Variants in KANK2 observed in about 807,000 individuals in gnomAD.
KANK2 encodes the protein KN motif and ankyrin repeat domain-containing protein 2.
Under a neutral mutation model 74.6 loss-of-function variants are expected in KANK2, and 41 were observed. That is an observed-to-expected ratio of 0.55 (90% CI 0.43 to 0.71). KANK2 has a LOEUF of 0.71. Ranked by LOEUF, KANK2 falls within the 30% of genes least tolerant of loss-of-function variation. KANK2 has a pLI of 0.00. For missense variants in KANK2, 1,148 were observed against 1,196.4 expected, an observed-to-expected ratio of 0.96 and a Z score of 0.60; for synonymous variants, 537 against 519.0, an observed-to-expected ratio of 1.03 and a Z score of -0.47.
rs146072567 is a variant in KANK2 at position 11,176,673 on chromosome 19, G to C, written c.1665C>G (p.Ala555=). Residue 555 remains alanine (A), a synonymous_variant, in exon 7 of 13, where the codon GCC becomes GCG. Transcript: ENST00000586659. ...PQLRPAGTAA[A]KTSRQECQLS... Reference sequence around the variant, plus strand: ...GCTGACACTCCTGCCGGCTGGTCTTGGCCGCTGCCGTCCCTGCAGGCCTGA... The same window carrying C: ...GCTGACACTCCTGCCGGCTGGTCTTCGCCGCTGCCGTCCCTGCAGGCCTGA... 6.2e-7 allele frequency: 1 copy of C among 1,613,572 alleles called. No homozygotes were observed. The highest frequency in any genetic ancestry group is 1.3e-5 in the African/African-American group (1 of 74,918).
At chr19:11,197,607 CCCGCCCCCCCAGCCGGCA>C (rs894093992), upstream of KANK2, 8 of 151,550 alleles carry the variant, frequency 5.3e-5, no homozygotes, top group African/African-American at 1.9e-4. Flanking sequence ...TCCGGCTGGT[CCCGCCCCCCCAGCCGGCA>C]CCGCCCCCTC....
chr19:11,183,433 C>T (rs2078585216), intron 4 of KANK2, among the ~76,000 whole-genome samples: 1 of 152,136 alleles, frequency 6.6e-6, no homozygotes, highest in South Asian at 2.1e-4. Flanking sequence ...AACTACAAAG[C>T]TAAAGGGAGA....
At chr19:11,183,382 A>G (rs1690830922) in intron 4 of KANK2, among the ~76,000 whole-genome samples, 3 of 152,238 alleles carry the variant, frequency 2.0e-5, no homozygotes, top group Non-Finnish European at 2.9e-5. Flanking sequence ...ATCTCATAGC[A>G]TACACAAGAA....
At position 11,194,044 on chromosome 19, in the gene KANK2, T is replaced by C; in HGVS notation, c.38-2A>G. On this transcript the variant is annotated splice_acceptor_variant, in intron 3 of 12. Transcript: ENST00000586659. LOFTEE classifies it high-confidence loss of function. ...GTGGGGAGGCTGGGCCAGGGGTCCC[T>C]GGGGATGGGAGAAACACCAGGACCT... is the stretch of plus-strand genomic sequence containing the variant. 6.3e-7 allele frequency: 1 copy of C among 1,598,842 alleles called. No homozygotes were observed. Among genetic ancestry groups the C allele is most frequent in the Non-Finnish European group, 8.5e-7 (1 of 1,171,890 alleles).
At chr19:11,189,102 C>CA (rs914892477) in intron 4 of KANK2, among the ~76,000 whole-genome samples, 44 of 130,928 alleles carry the variant, frequency 3.4e-4, no homozygotes, top group South Asian at 9.4e-4. Context: ...ATTCTCTCCC[C>CA]CCCCACCCCC....
chr19:11,185,200 G>T (rs1408035305), intron 4 of KANK2, among the ~76,000 whole-genome samples: 1 of 147,212 alleles, frequency 6.8e-6, no homozygotes, highest in East Asian at 2.0e-4. Context: ...TGGGTGGATC[G>T]CTTGAGCCCA....
chr19:11,182,546 C>CA (rs1283116719), intron 4 of KANK2, among the ~76,000 whole-genome samples: 5 of 119,654 alleles, frequency 4.2e-5, no homozygotes, highest in African/African-American at 1.2e-4. Context: ...AACAAAAAAA[C>CA]AAAACAAAAC....
In KANK2 at chr19:11,176,685, C is replaced by T. The variant is rs762291129; in HGVS notation, c.1653G>A (p.Gly551=). 12 of 1,613,472 alleles carry T rather than the reference C, an allele frequency of 7.4e-6. No individual in the cohort carries two copies. The highest frequency in any genetic ancestry group is 1.6e-4 in the Middle Eastern group (1 of 6,080). The part of the protein sequence containing the change: ...VAEAPQLRPA[G]TAAAKTSRQE... The stretch of plus-strand genomic sequence containing the variant: ...GCCGGCTGGTCTTGGCCGCTGCCGT[C>T]CCTGCAGGCCTGAGCTGGGGGGCTT... Residue 551 remains glycine (G), a synonymous_variant, in exon 7 of 13, where the codon GGG becomes GGA. Coordinates refer to ENST00000586659, the MANE Select transcript of KANK2 (RefSeq NM_001136191.3).
chr19:11,187,826 G>T (rs1272223399), intron 4 of KANK2, among the ~76,000 whole-genome samples: 1 of 152,104 alleles, frequency 6.6e-6, no homozygotes, highest in East Asian at 1.9e-4. Context: ...GGTGGCACAC[G>T]CCTGCAATCC....
chr19:11,194,184 C>A (rs907342449), intron 3 of KANK2, 142 bp from the exon 4 acceptor site: 4 of 901,652 alleles, frequency 4.4e-6, no homozygotes, highest in Admixed American at 5.8e-5. Flanking sequence ...GCTCTCAGAC[C>A]CTCCAGAGCA....
intron 4 of KANK2, among the ~76,000 whole-genome samples, chr19:11,183,655 AT>A (rs374907585): frequency 0.073 from 10,494 of 144,612 alleles, 378 homozygotes; most frequent in Admixed American, 0.096. Context: ...TGCCCAGCTA[AT>A]TTTTTTTTTT....
At chr19:11,186,916 G>A (rs1391040117) in intron 4 of KANK2, among the ~76,000 whole-genome samples, 1 of 152,120 alleles carries the variant, frequency 6.6e-6, no homozygotes, top group African/African-American at 2.4e-5. Flanking sequence ...AGCATTGTTC[G>A]TGGTGGCCGG....
chr19:11,188,067 TTGAAGGTTGAAGG>T (rs1357856366), intron 4 of KANK2, among the ~76,000 whole-genome samples: 13 of 152,028 alleles, frequency 8.6e-5, no homozygotes, highest in Non-Finnish European at 1.8e-4. Context: ...ACCCTTAGCA[TTGAAGGTTGAAGG>T]TGGAGGCTGA....
chr19:11,193,893 C>T lies in KANK2; in HGVS notation c.187G>A (p.Ala63Thr). Reference sequence around the variant, plus strand: ...CTCAGGCGGGGGCGGCGCTGCACTGCCACGCGTCGCAGCGTGTGGCCCTTC... The same window carrying T: ...CTCAGGCGGGGGCGGCGCTGCACTGTCACGCGTCGCAGCGTGTGGCCCTTC... ...IEKGHTLRRV[A>T]VQRRPRLSSL... is the part of the protein sequence containing the mutation. The change falls in exon 4 of 13, where the codon GCA becomes ACA. Residue 63 changes from alanine (A) to threonine (T), a missense_variant. By Grantham distance (58) the Ala-to-Thr change is moderately conservative. Coordinates refer to ENST00000586659, the MANE Select transcript of KANK2 (RefSeq NM_001136191.3). The surrounding 1 kb of genome is among the most constrained non-coding windows in gnomAD (Gnocchi z 9.6). 1 of 1,613,712 alleles carries T rather than the reference C, an allele frequency of 6.2e-7. No individual in the cohort carries two copies. Among genetic ancestry groups the T allele is most frequent in the East Asian group, 2.2e-5 (1 of 44,876 alleles).
chr19:11,191,852 G>C (rs1015572183), intron 4 of KANK2, among the ~76,000 whole-genome samples: 12 of 152,198 alleles, frequency 7.9e-5, no homozygotes, highest in African/African-American at 2.9e-4. Flanking sequence ...GAGCCCAGAA[G>C]TTTGAGACCA....
rs1373463995 is a variant in KANK2 at position 11,164,383 on chromosome 19, A to G, written c.*2175T>C. ...CTTTATGGACGTACCGTGATCAGAA[A>G]GTGAAATTAAAGCTCATGGATATGC... On this transcript the variant is annotated 3_prime_UTR_variant, in exon 13 of 13. Coordinates refer to ENST00000586659, the MANE Select transcript of KANK2 (RefSeq NM_001136191.3). 6.6e-6 allele frequency: 1 copy of G among 152,170 alleles called. No individual in the cohort carries two copies. The highest frequency in any genetic ancestry group is 1.5e-5 in the Non-Finnish European group (1 of 68,042). 9.4% of individuals were successfully genotyped at this position (152,170 alleles called of 1,614,324 possible). A position where few individuals can be genotyped will look rare whatever the true frequency, so the allele number is the denominator to read the frequency against.
intron 6 of KANK2, 57 bp from the exon 7 acceptor site, chr19:11,176,874 GA>G (rs1474174368): frequency 2.4e-5 from 35 of 1,482,068 alleles, no homozygotes; most frequent in Non-Finnish European, 1.8e-6. Context: ...GAAATGGTGG[GA>G]AAGGAAGGCA....
At chr19:11,171,391 C>A (rs1418279243) in intron 10 of KANK2, among the ~76,000 whole-genome samples, 2 of 151,878 alleles carry the variant, frequency 1.3e-5, no homozygotes, top group African/African-American at 2.4e-5. Context: ...AGGCTGCAGT[C>A]AGCTGTGATT....
intron 6 of KANK2, 116 bp from the exon 7 acceptor site, chr19:11,176,933 C>T (rs2078359081): frequency 1.2e-5 from 14 of 1,216,078 alleles, no homozygotes; most frequent in Non-Finnish European, 1.5e-5. Context: ...CCCATCTGTT[C>T]AATGGCAGTA....
Sources: allele counts gnomAD v4.1 joint callset (sites outside exome capture counted in the v4.1 genomes callset), GRCh38; gene constraint gnomAD v4.1.1; non-coding constraint Gnocchi (gnomAD v3.1); transcripts MANE v1.5; gene names NCBI Gene and HGNC (gene_info 2026-07-23, HGNC 2026-07-21).